The following MAP2K5 variants were observed in gnomAD, a reference collection of about 807,000 sequenced individuals.
MAP2K5 encodes the protein mitogen-activated protein kinase kinase 5.
Under a neutral mutation model 83.1 loss-of-function variants are expected in MAP2K5, and 49 were observed. The observed-to-expected ratio is 0.59, with a 90% confidence interval of 0.47 to 0.75. The LOEUF is 0.75. MAP2K5 is among the 30% of genes least tolerant of loss of function. MAP2K5 has a pLI of 0.00. For missense variants in MAP2K5, 457 were observed against 557.5 expected, an observed-to-expected ratio of 0.82 and a Z score of 1.82; for synonymous variants, 202 against 191.8, an observed-to-expected ratio of 1.05 and a Z score of -0.44.
intron 15 of MAP2K5, among the ~76,000 whole-genome samples, chr15:67,694,682 A>G (rs1183360442): frequency 6.6e-6 from 1 of 152,132 alleles, no homozygotes; most frequent in Non-Finnish European, 1.5e-5. Flanking sequence ...TAGTTCAACC[A>G]TTGTGGAAGT....
At chr15:67,643,547 C>T (rs373331010) in intron 9 of MAP2K5, among the ~76,000 whole-genome samples, 24 of 152,226 alleles carry the variant, frequency 1.6e-4, no homozygotes, top group African/African-American at 4.6e-4. Context: ...CCTGGGTTCA[C>T]GCCATTCTTC....
intron 16 of MAP2K5, among the ~76,000 whole-genome samples, chr15:67,703,825 C>A (rs547159278): frequency 1.3e-5 from 2 of 151,956 alleles, no homozygotes; most frequent in Non-Finnish European, 2.9e-5. Flanking sequence ...TAACTTCCAA[C>A]GGTGATTAGT....
intron 9 of MAP2K5, among the ~76,000 whole-genome samples, chr15:67,645,655 G>A (rs2086815045): frequency 1.3e-5 from 2 of 151,924 alleles, no homozygotes; most frequent in African/African-American, 4.8e-5. Flanking sequence ...CTGAGCTCAA[G>A]TGATCCTCCC....
rs2084605698 is a variant in MAP2K5, at chr15:67,555,442, C to CGCTTTTCA, written c.184+5360_184+5361insGCTTTTCA. On this transcript the variant is annotated intron_variant, in intron 2 of 21. Transcript: ENST00000178640. The surrounding 1 kb of genome is among the most constrained non-coding windows in gnomAD (Gnocchi z 5.2). ...AGGCCCCGCCTGCAACATTGGGGAT[C>CGCTTTTCA]ACTTTGGAGGGGACAAATATTCAAA... 2.4e-5 allele frequency among the ~76,000 whole-genome samples: 3 copies of CGCTTTTCA among 127,570 alleles called. No homozygotes were observed. The highest frequency in any genetic ancestry group is 1.1e-4 in the African/African-American group (3 of 28,276). 83.7% of individuals were successfully genotyped at this position (127,570 alleles called of 152,430 possible). A position where few individuals can be genotyped will look rare whatever the true frequency, so the allele number is the denominator to read the frequency against.
chr15:67,684,340 A>T (rs897657633), intron 13 of MAP2K5, among the ~76,000 whole-genome samples: 1 of 152,230 alleles, frequency 6.6e-6, no homozygotes, highest in Non-Finnish European at 1.5e-5. Flanking sequence ...AGAGATTAGA[A>T]GGATTATGCT....
chr15:67,728,069 G>A (rs536044251), intron 17 of MAP2K5, 124 bp downstream of exon 17: 8 of 812,988 alleles, frequency 9.8e-6, no homozygotes, highest in Middle Eastern at 2.3e-4. Context: ...TTGAAAAGTG[G>A]TATCTTAAAG....
chr15:67,572,542 G>A lies in MAP2K5; in HGVS notation c.253-8212G>A, dbSNP rs941840948. On this transcript the variant is annotated intron_variant, in intron 3 of 21. Coordinates refer to ENST00000178640, the MANE Select transcript of MAP2K5 (RefSeq NM_145160.3). This position sits in a 1 kb window ranked among gnomAD's most constrained non-coding sequence, Gnocchi z 4.2. ...AGCTACTCACTCCATAGAGTAGGAC[G>A]TTCCCGAAAGTAGGAGGATGAATGT... 4.6e-5 allele frequency among the ~76,000 whole-genome samples: 7 copies of A among 152,086 alleles called. No homozygotes were observed. The highest frequency in any genetic ancestry group is 1.2e-4 in the African/African-American group (5 of 41,398).
intron 16 of MAP2K5, among the ~76,000 whole-genome samples, chr15:67,727,541 A>C (rs1596866215): frequency 6.6e-6 from 1 of 152,360 alleles, no homozygotes; most frequent in Non-Finnish European, 1.5e-5. Flanking sequence ...TGGGTTAGTA[A>C]CAATTAGATG....
At chr15:67,798,974 G>A (rs1327365856) in intron 21 of MAP2K5, among the ~76,000 whole-genome samples, 4 of 152,186 alleles carry the variant, frequency 2.6e-5, no homozygotes, top group African/African-American at 9.7e-5. Flanking sequence ...TTCAAGACCA[G>A]CCTGACCAAC....
intron 13 of MAP2K5, chr15:67,679,555 AT>A (rs2087765414): frequency 6.6e-6 from 1 of 152,204 alleles, no homozygotes; most frequent in Non-Finnish European, 1.5e-5. Context: ...CAAAAGTAAC[AT>A]TTTAAAATTA....
chr15:67,610,897 A>G (rs2085905391), intron 8 of MAP2K5, among the ~76,000 whole-genome samples: 1 of 152,216 alleles, frequency 6.6e-6, no homozygotes, highest in African/African-American at 2.4e-5. Context: ...CAGTATGGCA[A>G]AAAGAAAGAG....
intron 21 of MAP2K5, among the ~76,000 whole-genome samples, chr15:67,804,344 T>A (rs2090759559): frequency 6.6e-6 from 1 of 152,186 alleles, no homozygotes; most frequent in Non-Finnish European, 1.5e-5. Flanking sequence ...CAATCAACAG[T>A]GGCTTGGGAC....
At chr15:67,583,393 G>A (rs1330761476) in intron 4 of MAP2K5, among the ~76,000 whole-genome samples, 3 of 152,030 alleles carry the variant, frequency 2.0e-5, no homozygotes, top group Admixed American at 6.6e-5. Flanking sequence ...AACCCACTAG[G>A]CTGCAATAAA....
intron 19 of MAP2K5, among the ~76,000 whole-genome samples, chr15:67,759,868 T>G (rs1189627092): frequency 1.3e-5 from 2 of 152,244 alleles, no homozygotes; most frequent in Non-Finnish European, 2.9e-5. Flanking sequence ...GCATGCAGCT[T>G]GTATTAGTTA....
intron 11 of MAP2K5, 118 bp from the exon 12 acceptor site, chr15:67,658,435 A>T (rs2087143493): frequency 1.3e-6 from 1 of 751,156 alleles, no homozygotes; most frequent in East Asian, 2.5e-5. Context: ...TATACTACAC[A>T]TCCAATGCAT....
chr15:67,603,409 GT>G lies in MAP2K5; in HGVS notation c.545+2662del, dbSNP rs1596633105. 2.6e-5 allele frequency among the ~76,000 whole-genome samples: 4 copies of G among 152,284 alleles called. No homozygotes were observed. In the East Asian group the frequency reaches 7.7e-4, roughly 29 times the overall value. ...TATCCTAAGAGCTCATTTAGCTACC[GT>G]TGCTAATGCTCACTGTGAGTGTTGT... On this transcript the variant is annotated intron_variant, in intron 8 of 21. Coordinates refer to ENST00000178640, the MANE Select transcript of MAP2K5 (RefSeq NM_145160.3).
At chr15:67,692,099 A>G (rs1230437429) in intron 13 of MAP2K5, among the ~76,000 whole-genome samples, 3 of 152,202 alleles carry the variant, frequency 2.0e-5, no homozygotes, top group Admixed American at 6.5e-5. Flanking sequence ...AATTACACAT[A>G]TAGAGCAAAA....
In MAP2K5 at chr15:67,781,125, A is replaced by G. The variant is rs1026370834; in HGVS notation, c.1242+8373A>G. On this transcript the variant is annotated intron_variant, in intron 21 of 21. Coordinates refer to ENST00000178640, the MANE Select transcript of MAP2K5 (RefSeq NM_145160.3). The surrounding 1 kb of genome is among the most constrained non-coding windows in gnomAD (Gnocchi z 4.0). ...GATTCAGTTGAAAAAGATCAGAGACATTCAGCCGTTTGTGGGAGAAATATA... is the reference window on the plus strand; with the variant it reads ...GATTCAGTTGAAAAAGATCAGAGACGTTCAGCCGTTTGTGGGAGAAATATA... 6.6e-6 allele frequency among the ~76,000 whole-genome samples: 1 copy of G among 152,188 alleles called. No individual in the cohort carries two copies. The highest frequency in any genetic ancestry group is 2.4e-5 in the African/African-American group (1 of 41,438).
intron 13 of MAP2K5, among the ~76,000 whole-genome samples, chr15:67,678,813 A>C (rs1181664363): frequency 6.6e-6 from 1 of 151,976 alleles, no homozygotes; most frequent in African/African-American, 2.4e-5. Context: ...AAAATACAAA[A>C]ATTAGCGGGG....
Sources: allele counts gnomAD v4.1 joint callset (sites outside exome capture counted in the v4.1 genomes callset), GRCh38; gene constraint gnomAD v4.1.1; non-coding constraint Gnocchi (gnomAD v3.1); transcripts MANE v1.5; gene names NCBI Gene and HGNC (gene_info 2026-07-23, HGNC 2026-07-21).